CD200: variants seen among roughly 807,000 people sequenced by gnomAD.
CD200 encodes the protein OX-2 membrane glycoprotein.
A neutral mutation model predicts 30.9 loss-of-function variants in CD200; 15 were observed. The observed-to-expected ratio is 0.49, with a 90% CI of 0.32 to 0.75. The LOEUF (loss-of-function observed/expected upper bound fraction) is 0.75, where lower values mean the gene tolerates loss of function less well. CD200 is among the 30% of genes least tolerant of loss of function. The probability of loss-of-function intolerance (pLI) is 0.03; values close to 1 mark genes in which losing one functional copy is unlikely to be tolerated. For missense variants in CD200, 262 were observed against 324.2 expected, an observed-to-expected ratio of 0.81 and a Z score of 1.47; for synonymous variants, 134 against 126.2, an observed-to-expected ratio of 1.06 and a Z score of -0.41.
intron 3 of CD200, among the ~76,000 whole-genome samples, chr3:112,346,064 T>C (rs1381435441): frequency 6.6e-6 from 1 of 152,122 alleles, no homozygotes; most frequent in East Asian, 1.9e-4. Flanking sequence ...CCAATAATAT[T>C]GCCCACAGGG....
chr3:112,334,260 G>T (rs2081063176), intron 1 of CD200: 2 of 985,274 alleles, frequency 2.0e-6, no homozygotes, highest in Non-Finnish European at 2.4e-6. Context: ...TGAGGAAGAG[G>T]CATGAATAGG....
rs2081747815 is a variant in CD200 at position 112,361,850 on chromosome 3, A to G, written c.*300A>G. 1 of 443,804 alleles carries G rather than the reference A, an allele frequency of 2.3e-6. No homozygotes were observed. Among genetic ancestry groups the G allele is most frequent in the South Asian group, 3.8e-5 (1 of 26,256 alleles). The allele number at this position is 443,804 out of a possible 1,614,324, so 27.5% of individuals were successfully genotyped here. A position where few individuals can be genotyped will look rare whatever the true frequency, so the allele number is the denominator to read the frequency against. On this transcript the variant is annotated 3_prime_UTR_variant, in exon 6 of 6. Coordinates refer to ENST00000315711, the MANE Select transcript of CD200 (RefSeq NM_005944.7). ...AGTATCAGGAGCACTGAGCTCACAGACTGACTTGGGCTCCTACTGGTGGGG... is the reference window on the plus strand; with the variant it reads ...AGTATCAGGAGCACTGAGCTCACAGGCTGACTTGGGCTCCTACTGGTGGGG...
intron 5 of CD200, among the ~76,000 whole-genome samples, chr3:112,351,357 T>C (rs1223896347): frequency 2.3e-4 from 35 of 152,198 alleles, no homozygotes; most frequent in Non-Finnish European, 8.8e-5. Context: ...GTATAAAGTA[T>C]TTAAATTCAT....
chr3:112,357,258 CAA>C (rs753148544), intron 5 of CD200, among the ~76,000 whole-genome samples: 6 of 81,768 alleles, frequency 7.3e-5, no homozygotes, highest in Non-Finnish European at 7.3e-5. Flanking sequence ...GAGACTGTCT[CAA>C]AAAAAAAAAA....
intron 5 of CD200, among the ~76,000 whole-genome samples, chr3:112,356,068 T>C (rs1419605410): frequency 6.6e-6 from 1 of 152,210 alleles, no homozygotes; most frequent in African/African-American, 2.4e-5. Flanking sequence ...GGCACAATTA[T>C]GGAAATTTAT....
intron 1 of CD200, chr3:112,335,733 G>A (rs2081100281): frequency 3.6e-6 from 2 of 557,912 alleles, no homozygotes; most frequent in African/African-American, 3.8e-5. Flanking sequence ...GATAGTGATG[G>A]AGACTCCTTG....
chr3:112,349,682 T>C (rs2081493260), intron 4 of CD200, 30 bp from the exon 5 acceptor site: 1 of 1,581,300 alleles, frequency 6.3e-7, no homozygotes, highest in African/African-American at 1.4e-5. Flanking sequence ...TGTGATGTCA[T>C]TTTCCTTTTT....
chr3:112,345,904 A>G (rs6783196), intron 3 of CD200, among the ~76,000 whole-genome samples: 150,974 of 152,312 alleles, frequency 0.99, 74,834 homozygotes, highest in Middle Eastern at 1. Flanking sequence ...AGTTTGATGA[A>G]ATTCTTCTTA....
chr3:112,347,854 C>T, intron 4 of CD200, 24 bp downstream of exon 4: 4 of 1,604,188 alleles, frequency 2.5e-6, no homozygotes, highest in Non-Finnish European at 3.4e-6. Flanking sequence ...AGCAAGGTGG[C>T]TGTGGTTGTG....
chr3:112,352,844 T>A (rs1163117728), intron 5 of CD200, among the ~76,000 whole-genome samples: 1 of 152,186 alleles, frequency 6.6e-6, no homozygotes, highest in Non-Finnish European at 1.5e-5. Flanking sequence ...AGACGACCAT[T>A]ACTTTTCTTG....
chr3:112,355,077 G>A (rs1402272958), intron 5 of CD200, among the ~76,000 whole-genome samples: 1 of 152,098 alleles, frequency 6.6e-6, no homozygotes, highest in Non-Finnish European at 1.5e-5. Context: ...ACAGATTCCT[G>A]GAATTAGAAT....
chr3:112,345,115 GGGTGGTGAT>G lies in CD200; in HGVS notation c.249_257del (p.Val84_Ile86del). 1 of 1,614,042 alleles carries G rather than the reference GGGTGGTGAT, an allele frequency of 6.2e-7. No individual in the cohort carries two copies. The highest frequency in any genetic ancestry group is 1.1e-5 in the South Asian group (1 of 91,072). On this transcript the variant is annotated inframe_deletion, in exon 3 of 6. Transcript: ENST00000315711. Reference sequence around the variant, plus strand: ...ATGGTCACCTTCAGCGAGAACCATGGGGTGGTGATCCAGCCTGCCTATAAGGACAAGATA... The same window carrying G: ...ATGGTCACCTTCAGCGAGAACCATGGCCAGCCTGCCTATAAGGACAAGATA...
At chr3:112,344,574 G>T (rs537566226) in intron 2 of CD200, among the ~76,000 whole-genome samples, 2 of 152,274 alleles carry the variant, frequency 1.3e-5, no homozygotes, top group East Asian at 3.9e-4. Flanking sequence ...TGGTCACTCT[G>T]CCTGTTATCC....
chr3:112,340,237 G>C (rs1357660141), intron 1 of CD200, among the ~76,000 whole-genome samples: 1 of 152,066 alleles, frequency 6.6e-6, no homozygotes, highest in Non-Finnish European at 1.5e-5. Context: ...GCAGAGAAAA[G>C]TTCAACTGCC....
Position 112,333,222 on chromosome 3 carries a change from C to T in CD200, c.10C>T (p.Leu4=), listed in dbSNP as rs1186706703. Residue 4 remains leucine (L), a splice_region_variant and synonymous_variant, in exon 1 of 6, where the codon CTG becomes TTG. Transcript: ENST00000315711. MER[L]VIRMPFSHLS... ...GCCTCCAGGAGCAAGGATGGAGAGG[C>T]TGGTGAGCGGGGCCGGGGCTTGGGA... 1 of 1,550,102 alleles carries T rather than the reference C, an allele frequency of 6.5e-7. No homozygotes were observed. The highest frequency in any genetic ancestry group is 8.7e-7 in the Non-Finnish European group (1 of 1,146,536).
At chr3:112,350,935 T>C (rs774889756) in intron 5 of CD200, among the ~76,000 whole-genome samples, 59 of 152,326 alleles carry the variant, frequency 3.9e-4, no homozygotes, top group Admixed American at 1.2e-3. Flanking sequence ...GCCTTCAGTG[T>C]CAGTGGCCCT....
At position 112,336,143 on chromosome 3, in the gene CD200, T is replaced by C. The variant is rs2081110721; in HGVS notation, c.12+2919T>C. ...TGTTATTTGGAATTGGTTTGGTACT[T>C]CCTCTTGAAATTTCCCTCATTAAGT... On this transcript the variant is annotated intron_variant, in intron 1 of 5. Coordinates refer to ENST00000315711, the MANE Select transcript of CD200 (RefSeq NM_005944.7). 1.7e-5 allele frequency: 12 copies of C among 687,716 alleles called. No homozygotes were observed. The South Asian group carries it at 2.0e-4, about 12-fold the overall frequency. 42.6% of individuals were successfully genotyped at this position (687,716 alleles called of 1,614,324 possible). A position where few individuals can be genotyped will look rare whatever the true frequency, so the allele number is the denominator to read the frequency against.
chr3:112,360,231 G>C (rs2108477805), intron 5 of CD200, among the ~76,000 whole-genome samples: 1 of 152,200 alleles, frequency 6.6e-6, no homozygotes, highest in South Asian at 2.1e-4. Context: ...AGGAGGCTGA[G>C]GCAGGAGAAT....
intron 5 of CD200, among the ~76,000 whole-genome samples, chr3:112,352,142 C>T (rs535258434): frequency 6.6e-6 from 1 of 152,306 alleles, no homozygotes; most frequent in South Asian, 2.1e-4. Context: ...CATACACTTA[C>T]AGCTAGTAAA....
Sources: gnomAD v4.1 joint callset for allele counts (sites outside exome capture counted in the v4.1 genomes callset) on GRCh38, gnomAD v4.1.1 for gene constraint, MANE v1.5 for transcripts, NCBI Gene and HGNC (gene_info 2026-07-23, HGNC 2026-07-21) for gene names.